The following TENM1 variants were observed in gnomAD, a reference collection of about 807,000 sequenced individuals.
TENM1 encodes the protein teneurin-1.
TENM1 carries 35 observed loss-of-function variants against 174.8 expected under a neutral mutation model. The observed-to-expected ratio is 0.20, with a 90% confidence interval of 0.15 to 0.27. TENM1 has a LOEUF of 0.27. TENM1 is among the 10% of genes least tolerant of loss of function. TENM1 has a pLI of 1.00. For synonymous variants in TENM1, 781 were observed against 798.7 expected (o/e 0.98, Z 0.37); for missense variants, 1,633 against 2,130.1 (o/e 0.77, Z 4.59).
At chrX:124,712,698 T>A (rs1167691401) in intron 4 of TENM1, among the ~76,000 whole-genome samples, 2 of 111,308 alleles carry the variant, frequency 1.8e-5, no homozygotes, top group Non-Finnish European at 3.8e-5. Context: ...GCCAGGGTGG[T>A]CTTGAACTCC....
In TENM1 at chrX:124,896,245, A is replaced by G. The variant is rs753567226; in HGVS notation, c.218-4T>C. 8 of 1,197,015 alleles carry G rather than the reference A, an allele frequency of 6.7e-6. No individual in the cohort carries two copies. Among genetic ancestry groups the G allele is most frequent in the Non-Finnish European group, 7.9e-6 (7 of 886,842 alleles). On this transcript the variant is annotated splice_region_variant and splice_polypyrimidine_tract_variant and intron_variant, in intron 1 of 31. Coordinates refer to ENST00000422452, the Ensembl canonical transcript of TENM1. ...GAGGTTTCACAGAATTCCATCTCTG[A>G]GAAGAAACAAAGTTCAGAGAAAACG...
the TENM1 span, among the ~76,000 whole-genome samples, chrX:125,010,800 C>T: frequency 3.3e-5 from 3 of 92,257 alleles, no homozygotes; most frequent in South Asian, 5.6e-4. Flanking sequence ...GGCAACAGAG[C>T]AAGACTCCGT....
chrX:124,681,221 G>C (rs1255814007), intron 5 of TENM1, among the ~76,000 whole-genome samples: 1 of 111,327 alleles, frequency 9.0e-6, no homozygotes, highest in Non-Finnish European at 1.9e-5. Flanking sequence ...TTAAGGAGCA[G>C]GGCTTATAAA....
At chrX:124,501,492 A>G (rs1036066593) in intron 19 of TENM1, among the ~76,000 whole-genome samples, 2 of 112,358 alleles carry the variant, frequency 1.8e-5, no homozygotes, top group Non-Finnish European at 3.8e-5. Flanking sequence ...GAATGGCAAC[A>G]GACATCCAGT....
chrX:124,849,331 G>C (rs1460108874), intron 3 of TENM1, among the ~76,000 whole-genome samples: 1 of 110,843 alleles, frequency 9.0e-6, no homozygotes, highest in Non-Finnish European at 1.9e-5. Context: ...CAGCAAAGGT[G>C]GTGGGATATC....
At chrX:125,088,270 A>C in the TENM1 span, among the ~76,000 whole-genome samples, 1 of 111,651 alleles carries the variant, frequency 9.0e-6, no homozygotes, top group Middle Eastern at 4.6e-3. Flanking sequence ...AAAAACAAGG[A>C]AAGTCTGAGA....
intron 5 of TENM1, among the ~76,000 whole-genome samples, chrX:124,701,952 T>C (rs1038431503): frequency 7.2e-5 from 8 of 111,657 alleles, no homozygotes; most frequent in Non-Finnish European, 1.5e-4. Flanking sequence ...CAGCACAGCA[T>C]ACAGCCATTA....
intron 1 of TENM1, among the ~76,000 whole-genome samples, chrX:124,897,132 C>A (rs139555369): frequency 9.0e-6 from 1 of 111,553 alleles, no homozygotes; most frequent in Admixed American, 9.6e-5. Flanking sequence ...ACAACGATGC[C>A]CCATCAACTT....
chrX:124,378,174 C>T (rs1233297059), exon 32 of TENM1: 2 of 112,104 alleles, frequency 1.8e-5, no homozygotes, highest in African/African-American at 6.5e-5. Context: ...TAGAAATGCA[C>T]AGTTCAAGGT....
intron 23 of TENM1, among the ~76,000 whole-genome samples, chrX:124,451,893 A>G (rs973873973): frequency 8.9e-6 from 1 of 112,309 alleles, no homozygotes; most frequent in Non-Finnish European, 1.9e-5. Context: ...AAAGACTTAA[A>G]TGTTAGACCT....
At chrX:124,758,379 T>C (rs1181490995) in intron 3 of TENM1, among the ~76,000 whole-genome samples, 1 of 110,511 alleles carries the variant, frequency 9.0e-6, no homozygotes, top group Non-Finnish European at 1.9e-5. Flanking sequence ...TAAAGAAAAA[T>C]GGAAAATAAA....
chrX:124,850,869 TAG>T (rs1169612302), intron 3 of TENM1, among the ~76,000 whole-genome samples: 2 of 111,565 alleles, frequency 1.8e-5, no homozygotes. Context: ...ACCGATTTTA[TAG>T]AGTGTGATTT....
the TENM1 span, among the ~76,000 whole-genome samples, chrX:125,135,691 A>G: frequency 1.8e-5 from 2 of 111,879 alleles, no homozygotes; most frequent in African/African-American, 6.5e-5. Context: ...CTTTTCAAGG[A>G]TATTCAAAGA....
intron 19 of TENM1, among the ~76,000 whole-genome samples, chrX:124,497,473 T>C (rs950152264): frequency 1.3e-4 from 15 of 111,336 alleles, no homozygotes; most frequent in African/African-American, 4.2e-4. Context: ...TGCCTCAGTT[T>C]GTCCATCTGT....
chrX:124,805,800 C>A (rs1048104133), intron 3 of TENM1, among the ~76,000 whole-genome samples: 2 of 112,916 alleles, frequency 1.8e-5, no homozygotes, highest in African/African-American at 6.4e-5. Flanking sequence ...CTGCTGGAGT[C>A]TCCGGAAGGG....
At chrX:125,035,192 C>A in the TENM1 span, among the ~76,000 whole-genome samples, 1 of 111,060 alleles carries the variant, frequency 9.0e-6, no homozygotes, top group East Asian at 2.9e-4. Flanking sequence ...GTATGGATAG[C>A]ATAAAGGCCA....
At chrX:124,559,396 A>T (rs187199818) in intron 14 of TENM1, among the ~76,000 whole-genome samples, 6 of 111,786 alleles carry the variant, frequency 5.4e-5, no homozygotes, top group African/African-American at 1.9e-4. Context: ...GGCCAGGTGC[A>T]GTGGCTCACA....
chrX:124,419,997 C>T (rs1346711366), intron 25 of TENM1, among the ~76,000 whole-genome samples: 1 of 111,756 alleles, frequency 8.9e-6, no homozygotes, highest in Non-Finnish European at 1.9e-5. Flanking sequence ...GAAATTGTAC[C>T]TTATCTTCCC....
chrX:124,736,465 T>C (rs2148549751), intron 4 of TENM1, among the ~76,000 whole-genome samples: 1 of 110,644 alleles, frequency 9.0e-6, no homozygotes, highest in African/African-American at 3.3e-5. Context: ...ACACATATAC[T>C]TCCATTACAT....
Sources: allele counts gnomAD v4.1 joint callset (sites outside exome capture counted in the v4.1 genomes callset), GRCh38; gene constraint gnomAD v4.1.1; transcripts MANE v1.5; gene names NCBI Gene and HGNC (gene_info 2026-07-23, HGNC 2026-07-21).